The following BRWD3 variants were observed in gnomAD, a reference collection of about 807,000 sequenced individuals.
BRWD3 encodes bromodomain and WD repeat-containing protein 3.
In BRWD3, 10 loss-of-function variants were observed where a neutral mutation model predicts 149.7. The observed-to-expected ratio is 0.07, with a 90% CI of 0.04 to 0.11. BRWD3 has a LOEUF of 0.11. Among genes scored for constraint, BRWD3 ranks in the 10% least tolerant of loss-of-function variants. The probability of loss-of-function intolerance (pLI) is 1.00; values close to 1 mark genes in which losing one functional copy is unlikely to be tolerated. For missense variants in BRWD3, 940 were observed against 1,373.2 expected (o/e 0.68, Z 4.99); for synonymous variants, 504 against 456.7 (o/e 1.10, Z -1.32).
In BRWD3 at chrX:80,713,044, G is replaced by A. The variant is rs772965771; in HGVS notation, c.2325+3113C>T. Among the ~76,000 whole-genome samples the A allele has an allele frequency of 8.3e-5, 9 of 109,056 alleles. No individual in the cohort carries two copies. In the South Asian group the frequency reaches 3.6e-3, roughly 44 times the overall value. The allele number at this position is 109,056 out of a possible 115,157, so 94.7% of individuals were successfully genotyped here. A position where few individuals can be genotyped will look rare whatever the true frequency, so the allele number is the denominator to read the frequency against. On this transcript the variant is annotated intron_variant, in intron 20 of 40. Coordinates refer to ENST00000373275, the MANE Select transcript of BRWD3 (RefSeq NM_153252.5). Reference sequence around the variant, plus strand: ...GGGGGGCCAGCCCCCCGCCCGGCCAGCTGCCCCGTCTGGGAGGGAGTTGGG... The same window carrying A: ...GGGGGGCCAGCCCCCCGCCCGGCCAACTGCCCCGTCTGGGAGGGAGTTGGG...
At position 80,670,903 on chromosome X, in the gene BRWD3, A is replaced by T. The variant is rs1246111465; in HGVS notation, c.*5706T>A. The T allele has an allele frequency of 9.0e-6, 1 of 111,251 alleles. No individual in the cohort carries two copies. Among genetic ancestry groups the T allele is most frequent in the Admixed American group, 9.6e-5 (1 of 10,414 alleles). 9.2% of individuals were successfully genotyped at this position (111,251 alleles called of 1,213,427 possible). A position where few individuals can be genotyped will look rare whatever the true frequency, so the allele number is the denominator to read the frequency against. On this transcript the variant is annotated 3_prime_UTR_variant, in exon 41 of 41. Transcript: ENST00000373275. The stretch of plus-strand genomic sequence containing the variant: ...ATTCTAAATACACAAAATACACAGT[A>T]TATATATATCAAAGATACAGTCCAG...
chrX:80,757,748 G>C (rs1347106727), intron 6 of BRWD3, among the ~76,000 whole-genome samples: 1 of 111,934 alleles, frequency 8.9e-6, no homozygotes, highest in African/African-American at 3.2e-5. Context: ...AATAATGACA[G>C]GATAATAGAT....
intron 6 of BRWD3, among the ~76,000 whole-genome samples, chrX:80,750,529 T>C (rs913990840): frequency 3.6e-5 from 4 of 111,358 alleles, no homozygotes; most frequent in South Asian, 3.7e-4. Flanking sequence ...CAATGATATA[T>C]CACTTCACAC....
chrX:80,752,964 C>T (rs1214823523), intron 6 of BRWD3, among the ~76,000 whole-genome samples: 2 of 111,814 alleles, frequency 1.8e-5, no homozygotes, highest in Non-Finnish European at 3.8e-5. Context: ...CACGCCTGGC[C>T]GATCATTTTT....
At chrX:80,687,028 C>T (rs758104334) in intron 34 of BRWD3, 25 bp from the exon 35 acceptor site, 1 of 1,196,590 alleles carries the variant, frequency 8.4e-7, no homozygotes. Flanking sequence ...AGAGTTATAT[C>T]TAAAAGATCT....
At chrX:80,739,418 G>A (rs1034377877) in intron 8 of BRWD3, among the ~76,000 whole-genome samples, 3 of 111,509 alleles carry the variant, frequency 2.7e-5, no homozygotes, top group East Asian at 2.8e-4. Context: ...GCATAAACAA[G>A]TATGGAGCTA....
intron 6 of BRWD3, among the ~76,000 whole-genome samples, chrX:80,750,154 G>C (rs1326419182): frequency 1.8e-5 from 2 of 111,373 alleles, no homozygotes; most frequent in Admixed American, 9.6e-5. Flanking sequence ...GAAAACATAA[G>C]GGAAAAGCTT....
intron 26 of BRWD3, 148 bp downstream of exon 26, chrX:80,696,591 T>C: frequency 1.7e-6 from 1 of 582,891 alleles, no homozygotes; most frequent in Admixed American, 3.2e-5. Flanking sequence ...AGAAATAAAC[T>C]AGGAATTAAA....
intron 4 of BRWD3, among the ~76,000 whole-genome samples, chrX:80,801,271 G>C (rs2074294337): frequency 1.1e-5 from 1 of 92,916 alleles, no homozygotes. Context: ...CCAGGCTGGA[G>C]GGCAGTGGGC....
chrX:80,772,775 A>C (rs917370289), intron 6 of BRWD3, among the ~76,000 whole-genome samples: 6 of 111,732 alleles, frequency 5.4e-5, no homozygotes, highest in Non-Finnish European at 9.4e-5. Flanking sequence ...TGCGTTCACA[A>C]ATAACCCTTA....
chrX:80,787,416 T>C (rs2074120079), intron 6 of BRWD3, among the ~76,000 whole-genome samples: 1 of 111,099 alleles, frequency 9.0e-6, no homozygotes, highest in African/African-American at 3.3e-5. Flanking sequence ...AAACAATTTT[T>C]TGAAAATGAG....
Position 80,694,116 on chromosome X carries a change from C to T in BRWD3, c.3152-1065G>A, listed in dbSNP as rs1012166536. On this transcript the variant is annotated intron_variant, in intron 27 of 40. Transcript: ENST00000373275. ...AACTTGGTGTTCTGTTTGCCAGCTG[C>T]TCCAGCTCCAGCCATGACTAAAAGG... Among the ~76,000 whole-genome samples the T allele has an allele frequency of 2.7e-5, 3 of 111,680 alleles. No homozygotes were observed. The Admixed American group carries it at 2.8e-4, about 11-fold the overall frequency.
intron 20 of BRWD3, among the ~76,000 whole-genome samples, chrX:80,714,702 G>C (rs1194773371): frequency 8.9e-6 from 1 of 112,121 alleles, no homozygotes; most frequent in Non-Finnish European, 1.9e-5. Flanking sequence ...TTTTGGCTCA[G>C]AATAAATCTC....
chrX:80,689,563 T>C (rs910492360), intron 33 of BRWD3, among the ~76,000 whole-genome samples: 1 of 111,655 alleles, frequency 9.0e-6, no homozygotes, highest in African/African-American at 3.2e-5. Flanking sequence ...ATATGATGAC[T>C]GGCCACCTGT....
At chrX:80,752,151 C>T (rs1221649718) in intron 6 of BRWD3, among the ~76,000 whole-genome samples, 2 of 108,673 alleles carry the variant, frequency 1.8e-5, no homozygotes, top group Admixed American at 2.0e-4. Flanking sequence ...TTGCTGGGAC[C>T]ACAGGTGTGT....
intron 6 of BRWD3, among the ~76,000 whole-genome samples, chrX:80,776,701 G>A (rs994012119): frequency 9.0e-6 from 1 of 111,495 alleles, no homozygotes; most frequent in South Asian, 3.8e-4. Flanking sequence ...ACTCCCTCTC[G>A]AGTGATTACT....
In BRWD3 at chrX:80,809,697, G is replaced by GA. The variant is rs2074389576; in HGVS notation, c.-227dup. 6.6e-5 allele frequency: 26 copies of GA among 392,938 alleles called. No individual in the cohort carries two copies. In the East Asian group the frequency reaches 1.1e-3, roughly 16 times the overall value. The allele number at this position is 392,938 out of a possible 1,213,427, so 32.4% of individuals were successfully genotyped here. A position where few individuals can be genotyped will look rare whatever the true frequency, so the allele number is the denominator to read the frequency against. On this transcript the variant is annotated 5_prime_UTR_variant, in exon 1 of 41. Transcript: ENST00000373275. ...CGGAGGAGGAAGGAGAGGAGAGGGA[G>GA]AGGGAGAGAGAGAGTGAGTGAGTGA...
chrX:80,781,634 A>G (rs2074058407), intron 6 of BRWD3, among the ~76,000 whole-genome samples: 1 of 111,757 alleles, frequency 8.9e-6, no homozygotes, highest in Non-Finnish European at 1.9e-5. Context: ...TTAAAAATAC[A>G]GTCTTATTGC....
intron 20 of BRWD3, among the ~76,000 whole-genome samples, chrX:80,715,456 G>C: frequency 8.9e-6 from 1 of 111,774 alleles, no homozygotes. Context: ...ACACTCTACA[G>C]AAATTATGGT....
Sources: allele counts gnomAD v4.1 joint callset (sites outside exome capture counted in the v4.1 genomes callset), GRCh38; gene constraint gnomAD v4.1.1; transcripts MANE v1.5; gene names NCBI Gene and HGNC (gene_info 2026-07-23, HGNC 2026-07-21).